PKN2: variants seen among roughly 807,000 people sequenced by gnomAD.
PKN2 encodes protein kinase N2.
Under a neutral mutation model 119.1 loss-of-function variants are expected in PKN2, and 38 were observed. The ratio of observed to expected loss-of-function variants is 0.32; its 90% confidence interval spans 0.25 to 0.42. The LOEUF is 0.42. Ranked by LOEUF, PKN2 falls within the 10% of genes least tolerant of loss-of-function variation. PKN2 has a pLI of 1.00. For synonymous variants in PKN2, 390 were observed against 384.9 expected (o/e 1.01, Z -0.15); for missense variants, 850 against 1,165.1 (o/e 0.73, Z 3.94).
In PKN2 at chr1:88,684,287, C is replaced by T. The variant is rs570149660; in HGVS notation, c.-294C>T. 3.7e-5 allele frequency: 13 copies of T among 355,208 alleles called. No individual in the cohort carries two copies. The highest frequency in any genetic ancestry group is 1.5e-4 in the South Asian group (2 of 12,908). The allele number at this position is 355,208 out of a possible 1,614,324, so 22.0% of individuals were successfully genotyped here. On this transcript the variant is annotated 5_prime_UTR_variant, in exon 1 of 22. Transcript: ENST00000370521. ...GAGCTGCAGCCGCGGCCGCAGCGCCCGCACGGAGAGGCTTGAGGCGGCTCC... is the reference window on the plus strand; with the variant it reads ...GAGCTGCAGCCGCGGCCGCAGCGCCTGCACGGAGAGGCTTGAGGCGGCTCC...
chr1:88,773,237 T>C (rs78343234), intron 6 of PKN2, among the ~76,000 whole-genome samples: 1 of 151,890 alleles, frequency 6.6e-6, no homozygotes, highest in Non-Finnish European at 1.5e-5. Context: ...TTTTTTTTTT[T>C]AATTCATTTT....
At chr1:88,822,460 TTCG>T (rs1672332844) in intron 17 of PKN2, among the ~76,000 whole-genome samples, 1 of 152,156 alleles carries the variant, frequency 6.6e-6, no homozygotes, top group South Asian at 2.1e-4. Flanking sequence ...ATCTCTGTAA[TTCG>T]TGGCCCAGCA....
At chr1:88,769,105 C>T (rs1204298246) in intron 3 of PKN2, among the ~76,000 whole-genome samples, 2 of 152,140 alleles carry the variant, frequency 1.3e-5, no homozygotes, top group South Asian at 2.1e-4. Flanking sequence ...CAGTAGGCCT[C>T]GCTTCAGACA....
chr1:88,817,227 A>T (rs1455237776), intron 16 of PKN2, among the ~76,000 whole-genome samples: 1 of 152,188 alleles, frequency 6.6e-6, no homozygotes, highest in Non-Finnish European at 1.5e-5. Flanking sequence ...CATCCCTGGG[A>T]TGCAAGGCTG....
chr1:88,684,559 G>A lies in PKN2; in HGVS notation c.-22G>A, dbSNP rs1665991653. 1.9e-6 allele frequency: 3 copies of A among 1,542,344 alleles called. No homozygotes were observed. Among genetic ancestry groups the A allele is most frequent in the Non-Finnish European group, 2.6e-6 (3 of 1,144,466 alleles). On this transcript the variant is annotated 5_prime_UTR_variant, in exon 1 of 22. Coordinates refer to ENST00000370521, the MANE Select transcript of PKN2 (RefSeq NM_006256.4). Reference sequence around the variant, plus strand: ...TCGCCAGAGGCGGCCGCGTCCAGGTGCGGAGTCCATACCGGAGCGCAATGG... The same window carrying A: ...TCGCCAGAGGCGGCCGCGTCCAGGTACGGAGTCCATACCGGAGCGCAATGG...
At chr1:88,831,494 T>A (rs1672731231) in intron 19 of PKN2, among the ~76,000 whole-genome samples, 1 of 151,960 alleles carries the variant, frequency 6.6e-6, no homozygotes, top group South Asian at 2.1e-4. Flanking sequence ...GTGTACTACA[T>A]TGTCCCACGT....
intron 1 of PKN2, among the ~76,000 whole-genome samples, chr1:88,714,894 A>T (rs2100693092): frequency 6.6e-6 from 1 of 152,288 alleles, no homozygotes; most frequent in South Asian, 2.1e-4. Flanking sequence ...ATTCAGTATG[A>T]TATTGGCTGT....
chr1:88,763,452 A>G (rs1669528346), intron 3 of PKN2, among the ~76,000 whole-genome samples: 2 of 152,154 alleles, frequency 1.3e-5, no homozygotes, highest in Admixed American at 6.5e-5. Flanking sequence ...TACTAAAAAT[A>G]CAAAATTAGC....
intron 1 of PKN2, 75 bp downstream of exon 1, chr1:88,684,703 A>C (rs1225950117): frequency 1.5e-6 from 2 of 1,313,116 alleles, no homozygotes; most frequent in East Asian, 6.2e-5. Flanking sequence ...TCGGGGACCG[A>C]GGAAAGCCCT....
At chr1:88,800,310 T>A (rs1224476191) in intron 8 of PKN2, among the ~76,000 whole-genome samples, 1 of 152,220 alleles carries the variant, frequency 6.6e-6, no homozygotes, top group Non-Finnish European at 1.5e-5. Context: ...ATACAAATAC[T>A]GAGAGAAAAC....
chr1:88,684,544 C>A lies in PKN2; in HGVS notation c.-37C>A. 1 of 1,531,370 alleles carries A rather than the reference C, an allele frequency of 6.5e-7. No homozygotes were observed. The highest frequency in any genetic ancestry group is 8.8e-7 in the Non-Finnish European group (1 of 1,138,012). The allele number at this position is 1,531,370 out of a possible 1,614,324, so 94.9% of individuals were successfully genotyped here. On this transcript the variant is annotated 5_prime_UTR_variant, in exon 1 of 22. Transcript: ENST00000370521. ...TCCCGCCTTCTCCCTTCGCCAGAGG[C>A]GGCCGCGTCCAGGTGCGGAGTCCAT...
At chr1:88,784,038 T>TAA (rs1370320868) in intron 6 of PKN2, among the ~76,000 whole-genome samples, 1 of 152,124 alleles carries the variant, frequency 6.6e-6, no homozygotes, top group Non-Finnish European at 1.5e-5. Flanking sequence ...TTATTTAGCT[T>TAA]TATGTTTCTC....
At chr1:88,747,995 G>A (rs1021225308) in intron 2 of PKN2, among the ~76,000 whole-genome samples, 1 of 152,024 alleles carries the variant, frequency 6.6e-6, no homozygotes, top group Non-Finnish European at 1.5e-5. Context: ...GTGATCATTA[G>A]TAAGTTGCTC....
At chr1:88,744,076 A>G (rs964459782) in intron 2 of PKN2, among the ~76,000 whole-genome samples, 3 of 150,756 alleles carry the variant, frequency 2.0e-5, no homozygotes, top group Non-Finnish European at 4.4e-5. Context: ...TTTCCATTTT[A>G]CTAACTTAAC....
At chr1:88,783,435 C>G (rs1488732427) in intron 6 of PKN2, among the ~76,000 whole-genome samples, 2 of 151,924 alleles carry the variant, frequency 1.3e-5, no homozygotes, top group African/African-American at 4.9e-5. Context: ...TCTCAGGGAT[C>G]ACTATTCGTC....
chr1:88,781,342 GTTT>G (rs1177720634), intron 6 of PKN2, among the ~76,000 whole-genome samples: 3 of 151,750 alleles, frequency 2.0e-5, no homozygotes, highest in African/African-American at 7.3e-5. Context: ...AAATTTACTA[GTTT>G]TTTATAAGAG....
chr1:88,794,277 G>T (rs552859627), intron 8 of PKN2, among the ~76,000 whole-genome samples: 1 of 150,472 alleles, frequency 6.6e-6, no homozygotes, highest in Admixed American at 6.7e-5. Flanking sequence ...TTAGGCAGGA[G>T]AATCACTTGA....
In PKN2 at chr1:88,705,711, A is replaced by G. The variant is rs961170829; in HGVS notation, c.48+21083A>G. ...AGACTCGGTCTGCAAAAATATATAT[A>G]TATATATTCTTTCTCCACTGAATTG... On this transcript the variant is annotated intron_variant, in intron 1 of 21. Transcript: ENST00000370521. Among the ~76,000 whole-genome samples the G allele has an allele frequency of 2.0e-4, 30 of 152,092 alleles. No homozygotes were observed. The South Asian group carries it at 6.0e-3, about 31-fold the overall frequency.
At chr1:88,792,610 C>CAGAAA (rs1553156097) in intron 8 of PKN2, among the ~76,000 whole-genome samples, 1 of 152,128 alleles carries the variant, frequency 6.6e-6, no homozygotes, top group South Asian at 2.1e-4. Context: ...TACTGTGGAC[C>CAGAAA]AGAAGCCTTA....
Sources: allele counts gnomAD v4.1 joint callset (sites outside exome capture counted in the v4.1 genomes callset), GRCh38; gene constraint gnomAD v4.1.1; transcripts MANE v1.5; gene names NCBI Gene and HGNC (gene_info 2026-07-23, HGNC 2026-07-21).